Variants in ZNRF1 observed in about 807,000 individuals in gnomAD.
ZNRF1 encodes the protein E3 ubiquitin-protein ligase ZNRF1.
A neutral mutation model predicts 18.4 loss-of-function variants in ZNRF1; 3 were observed. The ratio of observed to expected loss-of-function variants is 0.16; its 90% CI spans 0.07 to 0.42. The LOEUF (loss-of-function observed/expected upper bound fraction) is 0.42, where lower values mean the gene tolerates loss of function less well. Ranked by LOEUF, ZNRF1 falls within the 10% of genes least tolerant of loss-of-function variation. ZNRF1 has a pLI of 0.99. For synonymous variants in ZNRF1, 157 were observed against 144.2 expected, an observed-to-expected ratio of 1.09 and a Z score of -0.64; for missense variants, 310 against 329.8, an observed-to-expected ratio of 0.94 and a Z score of 0.47.
intron 1 of ZNRF1, among the ~76,000 whole-genome samples, chr16:75,082,908 T>C (rs1327809400): frequency 6.6e-6 from 1 of 152,220 alleles, no homozygotes; most frequent in Non-Finnish European, 1.5e-5. Flanking sequence ...ATTTTTCAGA[T>C]ATTCATATAT....
chr16:75,059,761 A>G (rs1040426458), intron 1 of ZNRF1, among the ~76,000 whole-genome samples: 4 of 152,184 alleles, frequency 2.6e-5, no homozygotes, highest in Non-Finnish European at 4.4e-5. Context: ...GTATAAATCA[A>G]TTTAAACATG....
intron 2 of ZNRF1, chr16:75,095,779 A>G: frequency 6.7e-7 from 1 of 1,488,778 alleles, no homozygotes. Flanking sequence ...TCTGCCAGAG[A>G]ACTGCCTGGG....
At chr16:75,028,070 C>T (rs1403479514) in intron 1 of ZNRF1, among the ~76,000 whole-genome samples, 1 of 152,170 alleles carries the variant, frequency 6.6e-6, no homozygotes, top group Non-Finnish European at 1.5e-5. Context: ...TTGCAAGGGC[C>T]AATACCTCCA....
chr16:75,095,550 T>C (rs1357880492), intron 2 of ZNRF1: 1 of 1,480,434 alleles, frequency 6.8e-7, no homozygotes, highest in African/African-American at 1.4e-5. Context: ...CCTCCGTTTG[T>C]CCTGTGGGTT....
chr16:75,096,503 T>G (rs954734509), intron 2 of ZNRF1, among the ~76,000 whole-genome samples: 3 of 152,074 alleles, frequency 2.0e-5, no homozygotes, highest in Non-Finnish European at 2.9e-5. Flanking sequence ...CCTTTTCTAA[T>G]TTAAAAAAAG....
At chr16:75,080,505 T>G (rs1377671537) in intron 1 of ZNRF1, among the ~76,000 whole-genome samples, 1 of 152,182 alleles carries the variant, frequency 6.6e-6, no homozygotes, top group Non-Finnish European at 1.5e-5. Context: ...TATCAGCCAG[T>G]AGGGTGGACA....
rs559899612 is a variant in ZNRF1, at chr16:75,067,401, T to G, written c.425-26171T>G. Among the ~76,000 whole-genome samples, 262 of 152,316 alleles carry G rather than the reference T, an allele frequency of 1.7e-3. 1 individual carries two copies. The highest frequency in any genetic ancestry group is 5.6e-3 in the African/African-American group (231 of 41,570). ...AATATCACTTTGTAAGAAGGTCATG[T>G]GGGATGAGATATATATTGGTGCTAT... is the stretch of plus-strand genomic sequence containing the variant. On this transcript the variant is annotated intron_variant, in intron 1 of 4. Transcript: ENST00000335325.
intron 1 of ZNRF1, among the ~76,000 whole-genome samples, chr16:75,066,816 T>C (rs1156804625): frequency 6.6e-6 from 1 of 152,164 alleles, no homozygotes. Context: ...GATCTAGTAT[T>C]ATAAAATGAT....
intron 1 of ZNRF1, among the ~76,000 whole-genome samples, chr16:75,023,504 C>T (rs2035180972): frequency 6.6e-6 from 1 of 151,974 alleles, no homozygotes; most frequent in South Asian, 2.1e-4. Context: ...GCCAACATGG[C>T]CAAACCCCGT....
At chr16:75,065,299 A>T (rs1176904500) in intron 1 of ZNRF1, among the ~76,000 whole-genome samples, 4 of 152,100 alleles carry the variant, frequency 2.6e-5, no homozygotes, top group African/African-American at 7.2e-5. Context: ...GCAGGGCTGG[A>T]TGTGTTAGCA....
chr16:75,002,833 C>A (rs917264832), intron 1 of ZNRF1, among the ~76,000 whole-genome samples: 15 of 152,242 alleles, frequency 9.9e-5, no homozygotes, highest in African/African-American at 3.6e-4. Flanking sequence ...ATTCCCTAAT[C>A]CTAGAGTGCT....
chr16:75,025,821 G>C (rs146478256), intron 1 of ZNRF1, among the ~76,000 whole-genome samples: 1 of 142,814 alleles, frequency 7.0e-6, no homozygotes, highest in Non-Finnish European at 1.5e-5. Context: ...TAGAGCATAA[G>C]AAATTTTTAT....
At chr16:75,077,245 A>T (rs2035950367) in intron 1 of ZNRF1, among the ~76,000 whole-genome samples, 1 of 152,216 alleles carries the variant, frequency 6.6e-6, no homozygotes, top group Admixed American at 6.5e-5. Flanking sequence ...ACAAAAAATT[A>T]GCTGGGGCTG....
chr16:75,038,666 A>G lies in ZNRF1; in HGVS notation c.424+38571A>G, dbSNP rs1404399941. Among the ~76,000 whole-genome samples the G allele has an allele frequency of 3.9e-5, 6 of 152,200 alleles. No homozygotes were observed. The East Asian group carries it at 1.2e-3, about 29-fold the overall frequency. On this transcript the variant is annotated intron_variant, in intron 1 of 4. Transcript: ENST00000335325. The stretch of plus-strand genomic sequence containing the variant: ...GGGAGCTTGAGCCCCACTGTAAGCC[A>G]GTTAAATAAGAATCTCTGAAGAAAC...
chr16:75,074,789 C>T (rs2035917688), intron 1 of ZNRF1, among the ~76,000 whole-genome samples: 1 of 151,838 alleles, frequency 6.6e-6, no homozygotes, highest in Non-Finnish European at 1.5e-5. Context: ...TTTTTTAGGC[C>T]CAGTGCAGTG....
At chr16:75,010,742 C>T (rs377712878) in intron 1 of ZNRF1, among the ~76,000 whole-genome samples, 9 of 108,910 alleles carry the variant, frequency 8.3e-5, no homozygotes, top group African/African-American at 3.3e-4. Flanking sequence ...TGAGGAGTCT[C>T]GCTCTGTCAC....
chr16:75,013,273 A>G (rs1224914869), intron 1 of ZNRF1, among the ~76,000 whole-genome samples: 1 of 152,006 alleles, frequency 6.6e-6, no homozygotes, highest in Non-Finnish European at 1.5e-5. Context: ...CTGTCTCTTT[A>G]CTTGAGGGCC....
In ZNRF1 at chr16:75,070,568, A is replaced by G. The variant is rs562648434; in HGVS notation, c.425-23004A>G. On this transcript the variant is annotated intron_variant, in intron 1 of 4. Coordinates refer to ENST00000335325, the MANE Select transcript of ZNRF1 (RefSeq NM_032268.5). ...TTTATTGCAGTTTACTCTCCATACA[A>G]AGGAGTGCTTATATTACATCATAAG... Among the ~76,000 whole-genome samples, 6 of 152,240 alleles carry G rather than the reference A, an allele frequency of 3.9e-5. No individual in the cohort carries two copies. In the South Asian group the frequency reaches 1.2e-3, roughly 32 times the overall value.
chr16:75,094,948 G>A (rs892451594), intron 2 of ZNRF1, among the ~76,000 whole-genome samples: 1 of 152,150 alleles, frequency 6.6e-6, no homozygotes, highest in African/African-American at 2.4e-5. Context: ...ACTGGATCAC[G>A]CAACCAGCCC....
Sources: allele counts gnomAD v4.1 joint callset (sites outside exome capture counted in the v4.1 genomes callset), GRCh38; gene constraint gnomAD v4.1.1; transcripts MANE v1.5; gene names NCBI Gene and HGNC (gene_info 2026-07-23, HGNC 2026-07-21).